The following PDE7B variants were observed in gnomAD, a reference collection of about 807,000 sequenced individuals.
PDE7B encodes phosphodiesterase 7B, also known as 3',5'-cyclic-AMP phosphodiesterase 7B.
Under a neutral mutation model 56.2 loss-of-function variants are expected in PDE7B, and 29 were observed. The observed-to-expected ratio is 0.52, with a 90% CI of 0.38 to 0.70. PDE7B has a LOEUF of 0.70. Ranked by LOEUF, PDE7B falls within the 30% of genes least tolerant of loss-of-function variation. PDE7B has a pLI of 0.00. For synonymous variants in PDE7B, 197 were observed against 196.9 expected (o/e 1.00, Z 0.00); for missense variants, 490 against 565.0 (o/e 0.87, Z 1.35).
intron 2 of PDE7B, among the ~76,000 whole-genome samples, chr6:135,971,493 CA>C (rs144628533): frequency 0.017 from 2,612 of 152,214 alleles, 67 homozygotes; most frequent in African/African-American, 0.059. Flanking sequence ...TTTTAATGAT[CA>C]GGGGAAGGAG....
chr6:136,144,002 A>T (rs915501867), intron 3 of PDE7B, among the ~76,000 whole-genome samples: 1 of 151,960 alleles, frequency 6.6e-6, no homozygotes, highest in East Asian at 1.9e-4. Flanking sequence ...GTATTTTGAG[A>T]TGGGGGAATT....
At chr6:135,926,205 G>A (rs1298779612) in intron 1 of PDE7B, among the ~76,000 whole-genome samples, 2 of 149,562 alleles carry the variant, frequency 1.3e-5, no homozygotes, top group South Asian at 2.1e-4. Context: ...TCCTGCCTCA[G>A]CCTCCCGAGC....
chr6:135,870,872 C>T (rs904863632), intron 1 of PDE7B, among the ~76,000 whole-genome samples: 60 of 152,092 alleles, frequency 3.9e-4, no homozygotes, highest in African/African-American at 1.4e-3. Context: ...CTCCCAGAAG[C>T]GTGGGGAGGT....
At chr6:135,984,857 CAGAGCTT>C (rs1393057820) in intron 2 of PDE7B, among the ~76,000 whole-genome samples, 1 of 151,954 alleles carries the variant, frequency 6.6e-6, no homozygotes, top group Non-Finnish European at 1.5e-5. Context: ...GGGAAGAGCT[CAGAGCTT>C]AGAGCTGTTG....
intron 3 of PDE7B, among the ~76,000 whole-genome samples, chr6:136,119,447 G>A (rs1355805515): frequency 6.6e-6 from 1 of 152,102 alleles, no homozygotes; most frequent in East Asian, 1.9e-4. Flanking sequence ...TCTTCCAAAG[G>A]AATATCAAGA....
intron 2 of PDE7B, among the ~76,000 whole-genome samples, chr6:136,070,577 A>T (rs2128213863): frequency 6.6e-6 from 1 of 152,280 alleles, no homozygotes; most frequent in South Asian, 2.1e-4. Flanking sequence ...AGTTAATGGC[A>T]TTGATCCAGA....
intron 2 of PDE7B, among the ~76,000 whole-genome samples, chr6:136,003,674 G>A (rs1775716819): frequency 1.3e-5 from 2 of 152,214 alleles, no homozygotes; most frequent in African/African-American, 4.8e-5. Flanking sequence ...TCTCTGAATA[G>A]ACCAATAACA....
intron 2 of PDE7B, among the ~76,000 whole-genome samples, chr6:136,058,938 C>CT (rs1185022492): frequency 6.6e-6 from 1 of 152,082 alleles, no homozygotes; most frequent in Non-Finnish European, 1.5e-5. Flanking sequence ...TTAGGTTCTG[C>CT]TATGGAAATA....
At chr6:135,887,655 T>C (rs1240964348) in intron 1 of PDE7B, among the ~76,000 whole-genome samples, 1 of 152,112 alleles carries the variant, frequency 6.6e-6, no homozygotes, top group Non-Finnish European at 1.5e-5. Context: ...ACAGAGAATA[T>C]ATTAATTAGG....
intron 1 of PDE7B, among the ~76,000 whole-genome samples, chr6:135,902,687 G>A (rs936990993): frequency 2.6e-5 from 4 of 152,066 alleles, no homozygotes; most frequent in African/African-American, 9.7e-5. Context: ...TATATCATTG[G>A]CTTATTGCTT....
intron 2 of PDE7B, chr6:136,047,329 T>C (rs1205527640): frequency 6.6e-6 from 1 of 152,250 alleles, no homozygotes; most frequent in African/African-American, 2.4e-5. Context: ...GGTTTTCACA[T>C]TGAGAGCTGA....
At chr6:135,980,438 A>T (rs1448933312) in intron 2 of PDE7B, among the ~76,000 whole-genome samples, 4 of 151,906 alleles carry the variant, frequency 2.6e-5, no homozygotes, top group African/African-American at 9.7e-5. Flanking sequence ...AAAATTGACA[A>T]ATGGGATCTA....
intron 1 of PDE7B, among the ~76,000 whole-genome samples, chr6:135,864,276 T>C (rs1257724130): frequency 6.6e-6 from 1 of 152,280 alleles, no homozygotes; most frequent in East Asian, 1.9e-4. Context: ...TATTTAACTT[T>C]ATATAATGTA....
intron 1 of PDE7B, among the ~76,000 whole-genome samples, chr6:135,918,250 C>T (rs1255922229): frequency 8.5e-5 from 13 of 152,098 alleles, no homozygotes; most frequent in Admixed American, 8.5e-4. Flanking sequence ...CTGGAGGGCT[C>T]TTATCATGGT....
chr6:135,869,230 G>C (rs755083507), intron 1 of PDE7B, among the ~76,000 whole-genome samples: 5 of 151,968 alleles, frequency 3.3e-5, no homozygotes, highest in Non-Finnish European at 5.9e-5. Context: ...TCTGTAATTT[G>C]CACATGTGAC....
At chr6:135,982,754 T>C (rs1406521524) in intron 2 of PDE7B, among the ~76,000 whole-genome samples, 1 of 152,202 alleles carries the variant, frequency 6.6e-6, no homozygotes, top group Non-Finnish European at 1.5e-5. Context: ...TTCCCAGAGA[T>C]CATGAAGCCA....
At chr6:136,099,740 G>T (rs1386252841) in intron 2 of PDE7B, among the ~76,000 whole-genome samples, 2 of 152,172 alleles carry the variant, frequency 1.3e-5, no homozygotes, top group Non-Finnish European at 2.9e-5. Flanking sequence ...TCACCCTGAT[G>T]ATAGTTTCTT....
chr6:135,909,765 C>T (rs1776179489), intron 1 of PDE7B, among the ~76,000 whole-genome samples: 1 of 152,102 alleles, frequency 6.6e-6, no homozygotes, highest in African/African-American at 2.4e-5. Flanking sequence ...ATCAAAGTGT[C>T]TACGCAAAAG....
At chr6:135,906,734 G>A (rs1202441678) in intron 1 of PDE7B, among the ~76,000 whole-genome samples, 1 of 145,114 alleles carries the variant, frequency 6.9e-6, no homozygotes, top group African/African-American at 2.6e-5. Flanking sequence ...GTGTCCTGAT[G>A]TAATGACTCA....
Sources: gnomAD v4.1 joint callset for allele counts (sites outside exome capture counted in the v4.1 genomes callset) on GRCh38, gnomAD v4.1.1 for gene constraint, MANE v1.5 for transcripts, NCBI Gene and HGNC (gene_info 2026-07-23, HGNC 2026-07-21) for gene names.